APCDD1: variants seen among roughly 807,000 people sequenced by gnomAD.
The protein encoded by APCDD1 is APC down-regulated 1.
Under a neutral mutation model 38.1 loss-of-function variants are expected in APCDD1, and 15 were observed. The ratio of observed to expected loss-of-function variants is 0.39; its 90% CI spans 0.26 to 0.61. The LOEUF (loss-of-function observed/expected upper bound fraction) is 0.61, where lower values mean the gene tolerates loss of function less well. Ranked by LOEUF, APCDD1 falls within the 20% of genes least tolerant of loss-of-function variation. The pLI is 0.49. For missense variants in APCDD1, 647 were observed against 696.2 expected (o/e 0.93, Z 0.79); for synonymous variants, 261 against 279.7 (o/e 0.93, Z 0.67).
intron 3 of APCDD1, among the ~76,000 whole-genome samples, chr18:10,479,585 T>C (rs2031087082): frequency 6.6e-6 from 1 of 152,228 alleles, no homozygotes. Context: ...GTCTGTTCTC[T>C]GCAGCCTGAG....
At chr18:10,463,220 A>G (rs905188678) in intron 1 of APCDD1, among the ~76,000 whole-genome samples, 2 of 152,006 alleles carry the variant, frequency 1.3e-5, no homozygotes, top group Non-Finnish European at 2.9e-5. Flanking sequence ...ATGCCTCTCC[A>G]TGAGCCCTCA....
At chr18:10,459,955 C>T (rs1382583911) in intron 1 of APCDD1, among the ~76,000 whole-genome samples, 2 of 152,160 alleles carry the variant, frequency 1.3e-5, no homozygotes, top group Non-Finnish European at 2.9e-5. Flanking sequence ...TCATTTTAAG[C>T]TCTCCATAAT....
At chr18:10,466,966 TG>T (rs1225510399) in intron 1 of APCDD1, among the ~76,000 whole-genome samples, 1 of 152,254 alleles carries the variant, frequency 6.6e-6, no homozygotes, top group Non-Finnish European at 1.5e-5. Flanking sequence ...ATGTAAAATC[TG>T]TAAGAACGAT....
Position 10,471,053 on chromosome 18 carries a change from A to G in APCDD1, c.243-477A>G, listed in dbSNP as rs1036629943. Among the ~76,000 whole-genome samples, 3 of 152,230 alleles carry G rather than the reference A, an allele frequency of 2.0e-5. No homozygotes were observed. Among genetic ancestry groups the G allele is most frequent in the South Asian group, 2.1e-4 (1 of 4,834 alleles). Reference sequence around the variant, plus strand: ...TGCTGTAGACAAGGTCCATAAAATAAAAGTGTTCAGGAAGTCGACCGTTTT... The same window carrying G: ...TGCTGTAGACAAGGTCCATAAAATAGAAGTGTTCAGGAAGTCGACCGTTTT... On this transcript the variant is annotated intron_variant, in intron 2 of 4. Coordinates refer to ENST00000355285, the MANE Select transcript of APCDD1 (RefSeq NM_153000.5). The surrounding 1 kb of genome is among the most constrained non-coding windows in gnomAD (Gnocchi z 5.5).
At chr18:10,457,706 G>A (rs929507108) in intron 1 of APCDD1, among the ~76,000 whole-genome samples, 16 of 152,226 alleles carry the variant, frequency 1.1e-4, no homozygotes, top group African/African-American at 3.9e-4. Flanking sequence ...AGTGCATCCT[G>A]TGTGAGGATG....
chr18:10,480,790 C>G (rs545964659), intron 3 of APCDD1, among the ~76,000 whole-genome samples: 197 of 152,074 alleles, frequency 1.3e-3, no homozygotes, highest in African/African-American at 4.5e-3. Context: ...ATTGCTTGAG[C>G]CTGGGAGGTG....
Position 10,454,836 on chromosome 18 carries a change from G to A in APCDD1, c.-146G>A. 2.0e-6 allele frequency: 2 copies of A among 1,012,132 alleles called. No individual in the cohort carries two copies. The highest frequency in any genetic ancestry group is 2.4e-6 in the Non-Finnish European group (2 of 848,536). The allele number at this position is 1,012,132 out of a possible 1,614,324, so 62.7% of individuals were successfully genotyped here. A position where few individuals can be genotyped will look rare whatever the true frequency, so the allele number is the denominator to read the frequency against. ...CGCCCCGCAGCCCCGCGCCTAGCCCGCCGGGCATGGGGCGCGCGGCAGCCG... is the reference window on the plus strand; with the variant it reads ...CGCCCCGCAGCCCCGCGCCTAGCCCACCGGGCATGGGGCGCGCGGCAGCCG... On this transcript the variant is annotated 5_prime_UTR_variant, in exon 1 of 5. Coordinates refer to ENST00000355285, the MANE Select transcript of APCDD1 (RefSeq NM_153000.5).
At chr18:10,459,316 G>GTGCACA (rs111782573) in intron 1 of APCDD1, among the ~76,000 whole-genome samples, 3 of 150,146 alleles carry the variant, frequency 2.0e-5, no homozygotes, top group Admixed American at 6.6e-5. Flanking sequence ...CCACAAGCGT[G>GTGCACA]CACACACACA....
intron 1 of APCDD1, among the ~76,000 whole-genome samples, chr18:10,455,271 G>A (rs758058920): frequency 2.0e-5 from 3 of 152,204 alleles, no homozygotes; most frequent in Non-Finnish European, 4.4e-5. Flanking sequence ...TCTTTGCTGC[G>A]GGACTGTTCT....
rs762476382 is a variant in APCDD1, at chr18:10,475,576, G to C, written c.774+3515G>C. On this transcript the variant is annotated intron_variant, in intron 3 of 4. Transcript: ENST00000355285. This position sits in a 1 kb window ranked among gnomAD's most constrained non-coding sequence, Gnocchi z 4.0. Reference sequence around the variant, plus strand: ...ACAGAGTTGTCTATCTGGGATTGTCGGACAGAGACTTCACTTTTGGTACCT... The same window carrying C: ...ACAGAGTTGTCTATCTGGGATTGTCCGACAGAGACTTCACTTTTGGTACCT... Among the ~76,000 whole-genome samples, 15 of 152,096 alleles carry C rather than the reference G, an allele frequency of 9.9e-5. No individual in the cohort carries two copies. Among genetic ancestry groups the C allele is most frequent in the Non-Finnish European group, 1.3e-4 (9 of 67,972 alleles).
At chr18:10,486,467 T>G (rs1267204667) in intron 4 of APCDD1, among the ~76,000 whole-genome samples, 1 of 152,244 alleles carries the variant, frequency 6.6e-6, no homozygotes, top group Non-Finnish European at 1.5e-5. Flanking sequence ...GCCACAGTGC[T>G]TTCCTGAGTG....
Position 10,454,913 on chromosome 18 carries a change from G to T in APCDD1, c.-69G>T, listed in dbSNP as rs1274210798. ...CACCCGGCCGGAGGCGGAGGGCAGA[G>T]CGCGCGCCCAGTTGCCCGGGCACCA... On this transcript the variant is annotated 5_prime_UTR_variant, in exon 1 of 5. Transcript: ENST00000355285. 1.4e-6 allele frequency: 2 copies of T among 1,450,620 alleles called. No individual in the cohort carries two copies. Among genetic ancestry groups the T allele is most frequent in the Non-Finnish European group, 1.8e-6 (2 of 1,095,504 alleles). 89.9% of individuals were successfully genotyped at this position (1,450,620 alleles called of 1,614,324 possible). A position where few individuals can be genotyped will look rare whatever the true frequency, so the allele number is the denominator to read the frequency against.
At position 10,469,109 on chromosome 18, in the gene APCDD1, A is replaced by T. The variant is rs558098936; in HGVS notation, c.242+457A>T. Among the ~76,000 whole-genome samples, 7 of 152,348 alleles carry T rather than the reference A, an allele frequency of 4.6e-5. No homozygotes were observed. In the East Asian group the frequency reaches 9.6e-4, roughly 21 times the overall value. Reference sequence around the variant, plus strand: ...AAGCTACCTCTACTAGCCAGGGTGCAGTTCTTGGATTCTTTTCCATGCTAT... The same window carrying T: ...AAGCTACCTCTACTAGCCAGGGTGCTGTTCTTGGATTCTTTTCCATGCTAT... On this transcript the variant is annotated intron_variant, in intron 2 of 4. Coordinates refer to ENST00000355285, the MANE Select transcript of APCDD1 (RefSeq NM_153000.5). This position sits in a 1 kb window ranked among gnomAD's most constrained non-coding sequence, Gnocchi z 5.5.
At chr18:10,463,592 T>G (rs1275463871) in intron 1 of APCDD1, among the ~76,000 whole-genome samples, 1 of 152,174 alleles carries the variant, frequency 6.6e-6, no homozygotes, top group Non-Finnish European at 1.5e-5. Context: ...CAAATGACTT[T>G]TTAATTCCCA....
chr18:10,466,789 C>T (rs751142399), intron 1 of APCDD1, among the ~76,000 whole-genome samples: 1 of 152,124 alleles, frequency 6.6e-6, no homozygotes, highest in Non-Finnish European at 1.5e-5. Context: ...TAGAGTTTGC[C>T]CCATTCTAGC....
At chr18:10,480,768 T>TGAGGTGGGAGGATTGCTTGAGCCTGG (rs2031116739) in intron 3 of APCDD1, among the ~76,000 whole-genome samples, 2 of 152,078 alleles carry the variant, frequency 1.3e-5, no homozygotes, top group African/African-American at 2.4e-5. Flanking sequence ...CTTGGGAGGC[T>TGAGGTGGGAGGATTGCTTGAGCCTGG]GAGGTGGGAG....
chr18:10,460,093 C>T (rs769124618), intron 1 of APCDD1, among the ~76,000 whole-genome samples: 19 of 152,182 alleles, frequency 1.2e-4, no homozygotes, highest in Admixed American at 7.9e-4. Flanking sequence ...TGAAAATTAT[C>T]GTTTCCTTCC....
Position 10,485,118 on chromosome 18 carries a change from G to A in APCDD1, c.775-344G>A, listed in dbSNP as rs1293256183. On this transcript the variant is annotated intron_variant, in intron 3 of 4. Transcript: ENST00000355285. The surrounding 1 kb of genome is among the most constrained non-coding windows in gnomAD (Gnocchi z 5.8). The stretch of plus-strand genomic sequence containing the variant: ...CTTGCCAACTTGTGATTTTTTGATA[G>A]CATTTTTTGATAGTAGCCATCCTAA... Among the ~76,000 whole-genome samples the A allele has an allele frequency of 6.6e-6, 1 of 152,082 alleles. No homozygotes were observed. Among genetic ancestry groups the A allele is most frequent in the African/African-American group, 2.4e-5 (1 of 41,422 alleles).
rs1283836842 is a variant in APCDD1 at position 10,464,987 on chromosome 18, C to G, written c.59-3482C>G. 2.0e-5 allele frequency among the ~76,000 whole-genome samples: 3 copies of G among 152,184 alleles called. No homozygotes were observed. In the East Asian group the frequency reaches 5.8e-4, roughly 29 times the overall value. Reference sequence around the variant, plus strand: ...CATTATTTGAAATAATACCAACCAACATGGAATGAAAGGCAGGGTGCTAAA... The same window carrying G: ...CATTATTTGAAATAATACCAACCAAGATGGAATGAAAGGCAGGGTGCTAAA... On this transcript the variant is annotated intron_variant, in intron 1 of 4. Transcript: ENST00000355285.
Sources: allele counts gnomAD v4.1 joint callset (sites outside exome capture counted in the v4.1 genomes callset), GRCh38; gene constraint gnomAD v4.1.1; non-coding constraint Gnocchi (gnomAD v3.1); transcripts MANE v1.5; gene names NCBI Gene and HGNC (gene_info 2026-07-23, HGNC 2026-07-21).